Variants in CCNYL1 observed in about 807,000 individuals in gnomAD.
The protein encoded by CCNYL1 is cyclin Y like 1.
CCNYL1 carries 16 observed loss-of-function variants against 44.2 expected under a neutral mutation model. That is an observed-to-expected ratio of 0.36 (90% CI 0.25 to 0.55). The LOEUF (loss-of-function observed/expected upper bound fraction) is 0.55. Ranked by LOEUF, CCNYL1 falls within the 20% of genes least tolerant of loss-of-function variation. The probability of loss-of-function intolerance (pLI) is 0.85; values close to 1 mark genes in which losing one functional copy is unlikely to be tolerated. For synonymous variants in CCNYL1, 159 were observed against 163.2 expected (o/e 0.97, Z 0.20); for missense variants, 348 against 451.8 (o/e 0.77, Z 2.08).
At chr2:207,714,608 GA>G in intron 1 of CCNYL1, 1 of 212,152 alleles carries the variant, frequency 4.7e-6, no homozygotes, top group Middle Eastern at 2.0e-3. Flanking sequence ...GAATGCACTG[GA>G]CAGAGGAATA....
intron 5 of CCNYL1, among the ~76,000 whole-genome samples, chr2:207,738,048 T>G (rs1247239031): frequency 6.6e-6 from 1 of 152,040 alleles, no homozygotes; most frequent in Non-Finnish European, 1.5e-5. Context: ...TTAGATACAG[T>G]GAGTACATGT....
At chr2:207,720,913 T>G (rs1290655552) in intron 1 of CCNYL1, among the ~76,000 whole-genome samples, 1 of 151,976 alleles carries the variant, frequency 6.6e-6, no homozygotes, top group Non-Finnish European at 1.5e-5. Flanking sequence ...AAACCAGATT[T>G]AGGATTGTCA....
At chr2:207,739,866 C>T (rs2091795278) in intron 5 of CCNYL1, among the ~76,000 whole-genome samples, 1 of 152,210 alleles carries the variant, frequency 6.6e-6, no homozygotes, top group Non-Finnish European at 1.5e-5. Flanking sequence ...GAGAAGCCAG[C>T]AGTTTGCCCA....
intron 7 of CCNYL1, 56 bp downstream of exon 7, chr2:207,742,398 A>C (rs1175099977): frequency 1.4e-6 from 2 of 1,469,434 alleles, no homozygotes; most frequent in Non-Finnish European, 1.8e-6. Flanking sequence ...TACACAGGGT[A>C]TGGTCCTATT....
At chr2:207,727,962 C>T (rs911090718) in intron 3 of CCNYL1, among the ~76,000 whole-genome samples, 1 of 150,168 alleles carries the variant, frequency 6.7e-6, no homozygotes, top group African/African-American at 2.5e-5. Context: ...TTCTCTCTCT[C>T]TCTTTTTTTT....
chr2:207,743,538 G>A (rs554059500), intron 7 of CCNYL1, among the ~76,000 whole-genome samples: 1 of 152,206 alleles, frequency 6.6e-6, no homozygotes, highest in African/African-American at 2.4e-5. Flanking sequence ...TCACTTGAGT[G>A]CAGTAGTTTG....
rs1270959211 is a variant in CCNYL1, at chr2:207,755,939, ACAT to A, written c.*2245_*2247del. The stretch of plus-strand genomic sequence containing the variant: ...ACTTCCTCTATTATAGCAATGCTTC[ACAT>A]CATATTGTGCTGCAGTTTCCATCAT... On this transcript the variant is annotated 3_prime_UTR_variant, in exon 10 of 10. Transcript: ENST00000295414. 3.3e-5 allele frequency: 5 copies of A among 152,320 alleles called. No individual in the cohort carries two copies. Among genetic ancestry groups the A allele is most frequent in the Admixed American group, 3.3e-4 (5 of 15,302 alleles). The allele number at this position is 152,320 out of a possible 1,614,324, so 9.4% of individuals were successfully genotyped here.
At chr2:207,730,800 A>T (rs889852928) in intron 3 of CCNYL1, among the ~76,000 whole-genome samples, 1 of 152,120 alleles carries the variant, frequency 6.6e-6, no homozygotes. Context: ...TCAAAAATAA[A>T]ATAAAACAAA....
chr2:207,728,073 C>T (rs1014041119), intron 3 of CCNYL1, among the ~76,000 whole-genome samples: 5 of 151,782 alleles, frequency 3.3e-5, no homozygotes, highest in Admixed American at 2.6e-4. Context: ...AAGCGATTCT[C>T]CTGTGTCAGC....
At chr2:207,748,299 C>G (rs934184931) in intron 8 of CCNYL1, among the ~76,000 whole-genome samples, 5 of 152,158 alleles carry the variant, frequency 3.3e-5, no homozygotes, top group Non-Finnish European at 7.3e-5. Flanking sequence ...CGAGAGGCTC[C>G]CTGGGCACTC....
chr2:207,715,774 T>C (rs2091589675), intron 1 of CCNYL1, among the ~76,000 whole-genome samples: 1 of 151,364 alleles, frequency 6.6e-6, no homozygotes, highest in Non-Finnish European at 1.5e-5. Context: ...CGCCCAGAGT[T>C]CAAGCAGTTC....
intron 2 of CCNYL1, among the ~76,000 whole-genome samples, 165 bp from the exon 3 acceptor site, chr2:207,726,677 A>C (rs369892601): frequency 6.6e-6 from 1 of 152,180 alleles, no homozygotes; most frequent in Non-Finnish European, 1.5e-5. Flanking sequence ...ATTTTATTTT[A>C]TGGGATTCAT....
At chr2:207,712,151 T>C (rs940778108) in intron 1 of CCNYL1, 35 bp downstream of exon 1, 1 of 1,561,370 alleles carries the variant, frequency 6.4e-7, no homozygotes, top group Non-Finnish European at 8.7e-7. Context: ...GCCCTCGGGC[T>C]CACCTCTGCC....
intron 1 of CCNYL1, among the ~76,000 whole-genome samples, chr2:207,722,736 A>G (rs1412496812): frequency 6.6e-6 from 1 of 152,106 alleles, no homozygotes; most frequent in Admixed American, 6.6e-5. Flanking sequence ...CGAGGGGGGC[A>G]GATCACAAGG....
At chr2:207,736,795 C>T (rs1371414480) in intron 4 of CCNYL1, among the ~76,000 whole-genome samples, 3 of 151,538 alleles carry the variant, frequency 2.0e-5, no homozygotes, top group Non-Finnish European at 2.9e-5. Flanking sequence ...AGCATGTATA[C>T]AAATAGGTAG....
rs555094424 is a variant in CCNYL1, at chr2:207,711,981, G to T, written c.85G>T (p.Ala29Ser). ...RRAGSAELYCASDIYEAVSGD... is the reference protein window; with the variant it reads ...RRAGSAELYCSSDIYEAVSGD... Reference sequence around the variant, plus strand: ...CGCGGGGTCGGCGGAGCTGTACTGCGCGTCCGACATCTACGAGGCGGTGTC... The same window carrying T: ...CGCGGGGTCGGCGGAGCTGTACTGCTCGTCCGACATCTACGAGGCGGTGTC... The change falls in exon 1 of 10, where the codon GCG (alanine) becomes TCG (serine). Residue 29 changes from alanine to serine, a missense_variant. Physicochemically the swap from Ala to Ser is moderately conservative, Grantham distance 99. Transcript: ENST00000295414. The T allele has an allele frequency of 2.1e-6, 3 of 1,452,330 alleles. No homozygotes were observed. The Admixed American group carries it at 7.9e-5, about 38-fold the overall frequency. 90.0% of individuals were successfully genotyped at this position (1,452,330 alleles called of 1,614,324 possible). A position where few individuals can be genotyped will look rare whatever the true frequency, so the allele number is the denominator to read the frequency against.
chr2:207,736,792 A>G (rs1478966791), intron 4 of CCNYL1, among the ~76,000 whole-genome samples: 1 of 152,238 alleles, frequency 6.6e-6, no homozygotes, highest in East Asian at 1.9e-4. Context: ...TTAAGCATGT[A>G]TACAAATAGG....
At chr2:207,752,995 C>T (rs1369592988) in intron 9 of CCNYL1, among the ~76,000 whole-genome samples, 2 of 151,660 alleles carry the variant, frequency 1.3e-5, no homozygotes, top group Non-Finnish European at 2.9e-5. Flanking sequence ...GCTGAGATCA[C>T]TCCAGCCTGG....
intron 2 of CCNYL1, among the ~76,000 whole-genome samples, chr2:207,726,266 G>A (rs1055162647): frequency 6.6e-6 from 1 of 152,164 alleles, no homozygotes; most frequent in Non-Finnish European, 1.5e-5. Context: ...AATATACCAT[G>A]TTCAATTAGG....
Sources: allele counts gnomAD v4.1 joint callset (sites outside exome capture counted in the v4.1 genomes callset), GRCh38; gene constraint gnomAD v4.1.1; transcripts MANE v1.5; gene names NCBI Gene and HGNC (gene_info 2026-07-23, HGNC 2026-07-21).